Variants in ULK4 observed in about 807,000 individuals in gnomAD.
ULK4 encodes the protein unc-51 like kinase 4.
Under a neutral mutation model 160.6 loss-of-function variants are expected in ULK4, and 133 were observed. The ratio of observed to expected loss-of-function variants is 0.83; its 90% CI spans 0.72 to 0.96. The LOEUF (loss-of-function observed/expected upper bound fraction) is 0.96, where lower values mean the gene tolerates loss of function less well. Among genes scored for constraint, ULK4 ranks in the 40% least tolerant of loss-of-function variants. The pLI is 0.00. For missense variants in ULK4, 1,580 were observed against 1,499.5 expected (o/e 1.05, Z -0.89); for synonymous variants, 534 against 539.8 (o/e 0.99, Z 0.15).
intron 22 of ULK4, among the ~76,000 whole-genome samples, chr3:41,744,444 T>C (rs562730705): frequency 6.6e-6 from 1 of 152,080 alleles, no homozygotes; most frequent in East Asian, 1.9e-4. Context: ...GAGAAAATTA[T>C]TAGAGACAAA....
At chr3:41,594,655 T>A (rs1274237041) in intron 31 of ULK4, among the ~76,000 whole-genome samples, 1 of 152,220 alleles carries the variant, frequency 6.6e-6, no homozygotes, top group Non-Finnish European at 1.5e-5. Context: ...TGGTGCTTTA[T>A]AGCCCCAGTT....
intron 1 of ULK4, among the ~76,000 whole-genome samples, chr3:41,960,355 G>A (rs73071259): frequency 0.12 from 18,731 of 150,984 alleles, 1,345 homozygotes; most frequent in Middle Eastern, 0.27. Context: ...ATAAGAATTG[G>A]ATCAAATGAT....
chr3:41,351,097 G>A (rs964289714), intron 35 of ULK4, among the ~76,000 whole-genome samples: 1 of 152,216 alleles, frequency 6.6e-6, no homozygotes, highest in Non-Finnish European at 1.5e-5. Context: ...ACTGAAGCAC[G>A]TAGGACGGAA....
intron 35 of ULK4, among the ~76,000 whole-genome samples, chr3:41,291,046 A>T (rs1187377637): frequency 1.3e-5 from 2 of 151,160 alleles, no homozygotes; most frequent in Non-Finnish European, 2.9e-5. Flanking sequence ...GGCAGATGGG[A>T]TTTTTTTTGT....
intron 21 of ULK4, among the ~76,000 whole-genome samples, chr3:41,775,511 G>A (rs1333692744): frequency 2.0e-5 from 3 of 149,398 alleles, no homozygotes; most frequent in African/African-American, 7.6e-5. Context: ...CGATTCTCCT[G>A]CCTCAGCCTA....
chr3:41,593,049 A>G (rs1263676835), intron 31 of ULK4, among the ~76,000 whole-genome samples: 1 of 152,168 alleles, frequency 6.6e-6, no homozygotes, highest in African/African-American at 2.4e-5. Context: ...CACCATTACC[A>G]CAATCAGCTA....
chr3:41,788,110 C>T (rs953823798), intron 21 of ULK4, among the ~76,000 whole-genome samples: 9 of 152,246 alleles, frequency 5.9e-5, no homozygotes, highest in African/African-American at 1.9e-4. Context: ...GAAAAAAATA[C>T]TGTCTCTGAG....
chr3:41,708,177 CAT>C (rs151064663), intron 25 of ULK4, among the ~76,000 whole-genome samples: 10 of 149,964 alleles, frequency 6.7e-5, no homozygotes, highest in East Asian at 3.9e-4. Flanking sequence ...AATACATATA[CAT>C]ATATATATAT....
At chr3:41,415,106 C>G (rs2082494846) in intron 34 of ULK4, among the ~76,000 whole-genome samples, 1 of 152,166 alleles carries the variant, frequency 6.6e-6, no homozygotes, top group South Asian at 2.1e-4. Context: ...TATGAACGGA[C>G]AGTTTCATGT....
intron 32 of ULK4, among the ~76,000 whole-genome samples, chr3:41,494,901 C>T (rs1244436778): frequency 6.6e-6 from 1 of 151,942 alleles, no homozygotes; most frequent in East Asian, 1.9e-4. Flanking sequence ...TCAAGGAGAA[C>T]TACAAACCAA....
chr3:41,397,938 G>A, intron 35 of ULK4, 141 bp downstream of exon 35: 1 of 871,156 alleles, frequency 1.1e-6, no homozygotes, highest in Non-Finnish European at 1.8e-6. Flanking sequence ...AGGTGATTAA[G>A]GAGAAAGGTG....
chr3:41,837,652 C>T (rs919504183), intron 17 of ULK4, among the ~76,000 whole-genome samples: 1 of 151,988 alleles, frequency 6.6e-6, no homozygotes, highest in Non-Finnish European at 1.5e-5. Flanking sequence ...CAACCTCTGC[C>T]TCCTGAGTTC....
At chr3:41,579,388 A>G (rs1163223275) in intron 31 of ULK4, among the ~76,000 whole-genome samples, 1 of 152,130 alleles carries the variant, frequency 6.6e-6, no homozygotes, top group African/African-American at 2.4e-5. Context: ...ACTGAGTCCA[A>G]TGAGGCTAAG....
intron 30 of ULK4, among the ~76,000 whole-genome samples, chr3:41,650,615 G>A (rs1347609554): frequency 6.6e-6 from 1 of 152,230 alleles, no homozygotes; most frequent in Admixed American, 6.5e-5. Context: ...CACACCCCAT[G>A]CCACTATGTG....
intron 35 of ULK4, among the ~76,000 whole-genome samples, chr3:41,313,248 T>C (rs1378941731): frequency 6.6e-6 from 1 of 152,238 alleles, no homozygotes; most frequent in Non-Finnish European, 1.5e-5. Flanking sequence ...TCTATAATGC[T>C]TTGGTTTCAT....
chr3:41,844,265 G>C (rs1009820410), intron 17 of ULK4, among the ~76,000 whole-genome samples: 19 of 152,270 alleles, frequency 1.2e-4, no homozygotes, highest in East Asian at 5.8e-4. Flanking sequence ...GCCCGCGGAG[G>C]GGGTGGGAGG....
intron 22 of ULK4, among the ~76,000 whole-genome samples, chr3:41,720,953 G>C (rs2037432344): frequency 6.6e-6 from 1 of 151,734 alleles, no homozygotes; most frequent in African/African-American, 2.4e-5. Context: ...AAAAAATTGG[G>C]GTAGGAAGTA....
intron 2 of ULK4, 47 bp downstream of exon 2, chr3:41,954,575 A>G (rs781487703): frequency 7.0e-6 from 11 of 1,581,820 alleles, no homozygotes; most frequent in South Asian, 5.8e-5. Flanking sequence ...CCTTCTACCT[A>G]TTGTAGCTCT....
chr3:41,722,427 G>A (rs376532136), intron 22 of ULK4, among the ~76,000 whole-genome samples: 15 of 152,042 alleles, frequency 9.9e-5, no homozygotes, highest in African/African-American at 3.6e-4. Context: ...TCAGGAGTTC[G>A]AGACCAGCCT....
Sources: allele counts gnomAD v4.1 joint callset (sites outside exome capture counted in the v4.1 genomes callset), GRCh38; gene constraint gnomAD v4.1.1; transcripts MANE v1.5; gene names NCBI Gene and HGNC (gene_info 2026-07-23, HGNC 2026-07-21).